Variants in ERBB4 observed in about 807,000 individuals in gnomAD.
ERBB4 encodes erb-b2 receptor tyrosine kinase 4.
A neutral mutation model predicts 158.0 loss-of-function variants in ERBB4; 42 were observed. The observed-to-expected ratio is 0.27, with a 90% CI of 0.21 to 0.34. The LOEUF is 0.34. ERBB4 is among the 10% of genes least tolerant of loss of function. The pLI, the probability that ERBB4 is intolerant of heterozygous loss-of-function variation, is 1.00. For missense variants in ERBB4, 1,333 were observed against 1,624.1 expected (o/e 0.82, Z 3.08); for synonymous variants, 583 against 558.7 (o/e 1.04, Z -0.61).
At chr2:211,550,789 A>C (rs1191312372) in intron 20 of ERBB4, among the ~76,000 whole-genome samples, 2 of 149,766 alleles carry the variant, frequency 1.3e-5, no homozygotes, top group Non-Finnish European at 3.0e-5. Flanking sequence ...AATACACTTA[A>C]TATGATTTCT....
chr2:211,676,575 C>T (rs1046065265), intron 13 of ERBB4, among the ~76,000 whole-genome samples: 1 of 148,636 alleles, frequency 6.7e-6, no homozygotes, highest in Non-Finnish European at 1.5e-5. Flanking sequence ...AAAAAACAAA[C>T]AAACAAAAAA....
At chr2:211,827,353 G>A (rs1352594564) in intron 3 of ERBB4, among the ~76,000 whole-genome samples, 1 of 151,864 alleles carries the variant, frequency 6.6e-6, no homozygotes, top group Non-Finnish European at 1.5e-5. Context: ...ACAATAAGAA[G>A]GTTTTTGTTT....
chr2:212,395,028 A>T (rs145414853), intron 1 of ERBB4, among the ~76,000 whole-genome samples: 1 of 152,248 alleles, frequency 6.6e-6, no homozygotes, highest in Non-Finnish European at 1.5e-5. Context: ...AAACTTTCAC[A>T]GGTTTGCTGC....
intron 3 of ERBB4, among the ~76,000 whole-genome samples, chr2:211,866,514 A>G (rs1276488429): frequency 6.6e-6 from 1 of 152,172 alleles, no homozygotes. Context: ...AATTGTCAGC[A>G]AGGAGAAATC....
chr2:212,119,145 A>C (rs1434859225), intron 2 of ERBB4, among the ~76,000 whole-genome samples: 1 of 152,114 alleles, frequency 6.6e-6, no homozygotes, highest in East Asian at 1.9e-4. Flanking sequence ...ATCTCCTTAT[A>C]ATCTTAATGT....
At chr2:211,722,654 A>G in intron 6 of ERBB4, 120 bp from the exon 7 acceptor site, 2 of 1,093,972 alleles carry the variant, frequency 1.8e-6, no homozygotes, top group Non-Finnish European at 2.7e-6. Flanking sequence ...ACAAAATTTG[A>G]TAATTTAAGA....
chr2:211,863,242 A>G (rs1011098158), intron 3 of ERBB4, among the ~76,000 whole-genome samples: 6 of 152,210 alleles, frequency 3.9e-5, no homozygotes, highest in Admixed American at 6.5e-5. Context: ...AAATGCACCA[A>G]TCAGCAATCT....
At chr2:212,106,606 T>C (rs1196954191) in intron 2 of ERBB4, among the ~76,000 whole-genome samples, 1 of 152,228 alleles carries the variant, frequency 6.6e-6, no homozygotes, top group Non-Finnish European at 1.5e-5. Flanking sequence ...TCTGCATAAG[T>C]AGCTAGAAGC....
At position 211,705,387 on chromosome 2, in the gene ERBB4, G is replaced by T. The variant is rs530702994; in HGVS notation, c.1129C>A (p.Pro377Thr). ...IFLVTGIHGDPYNAIEAIDPE... is the reference protein window; with the variant it reads ...IFLVTGIHGDTYNAIEAIDPE... ...TCTATGGCTTCAATTGCATTGTAAG[G>T]GTCCCTAGAAAATCAAGAAGAGATG... Residue 377 changes from proline to threonine, a missense_variant, in exon 10 of 28, where the codon CCT becomes ACT. Around this residue, in one of 5 missense-constraint regions of ERBB4, gnomAD observed 438 missense variants for 586.9 expected, o/e 0.75. Transcript: ENST00000342788. 6.2e-7 allele frequency: 1 copy of T among 1,607,628 alleles called. No homozygotes were observed. The highest frequency in any genetic ancestry group is 8.5e-7 in the Non-Finnish European group (1 of 1,174,428).
intron 1 of ERBB4, among the ~76,000 whole-genome samples, chr2:212,269,538 A>G (rs1328006306): frequency 6.6e-6 from 1 of 151,796 alleles, no homozygotes; most frequent in Non-Finnish European, 1.5e-5. Context: ...GCCCTTAGAT[A>G]TTATTTGTGC....
chr2:211,698,839 C>T (rs1426435220), intron 12 of ERBB4, among the ~76,000 whole-genome samples: 1 of 152,104 alleles, frequency 6.6e-6, no homozygotes, highest in African/African-American at 2.4e-5. Flanking sequence ...AAACTTCTTC[C>T]ACCTAACACT....
At chr2:212,215,973 G>A (rs2083085884) in intron 1 of ERBB4, among the ~76,000 whole-genome samples, 1 of 151,240 alleles carries the variant, frequency 6.6e-6, no homozygotes, top group Non-Finnish European at 1.5e-5. Flanking sequence ...CTTCACACTT[G>A]GATGAACTTA....
intron 1 of ERBB4, among the ~76,000 whole-genome samples, chr2:212,501,112 A>G (rs561613886): frequency 3.9e-5 from 6 of 152,324 alleles, no homozygotes; most frequent in East Asian, 1.9e-4. Flanking sequence ...TACACAGCAA[A>G]TAACACCAGT....
At position 211,457,531 on chromosome 2, in the gene ERBB4, G is replaced by A. The variant is rs1056814931; in HGVS notation, c.2488-26431C>T. ...AGAGAGGTAGCAATATGTAAACATCGAACACTCAAGGTTAGAGCTGAGCCT... is the reference window on the plus strand; with the variant it reads ...AGAGAGGTAGCAATATGTAAACATCAAACACTCAAGGTTAGAGCTGAGCCT... On this transcript the variant is annotated intron_variant, in intron 20 of 27. Coordinates refer to ENST00000342788, the MANE Select transcript of ERBB4 (RefSeq NM_005235.3). 7.2e-5 allele frequency among the ~76,000 whole-genome samples: 11 copies of A among 152,128 alleles called. 1 individual carries two copies. Among genetic ancestry groups the A allele is most frequent in the Non-Finnish European group, 1.3e-4 (9 of 68,036 alleles).
intron 25 of ERBB4, among the ~76,000 whole-genome samples, chr2:211,414,500 TAAAA>T (rs71047174): frequency 2.0e-5 from 2 of 102,128 alleles, no homozygotes; most frequent in African/African-American, 7.2e-5. Flanking sequence ...CAGTCTCAAT[TAAAA>T]AAAAAAAAAA....
intron 20 of ERBB4, among the ~76,000 whole-genome samples, chr2:211,546,078 C>T (rs575505159): frequency 6.6e-6 from 1 of 152,118 alleles, no homozygotes; most frequent in Admixed American, 6.6e-5. Context: ...TGCCAAAAAG[C>T]TCTTTTTAAT....
At chr2:211,538,057 G>C (rs987694515) in intron 20 of ERBB4, among the ~76,000 whole-genome samples, 10 of 145,992 alleles carry the variant, frequency 6.8e-5, no homozygotes, top group Non-Finnish European at 1.5e-4. Flanking sequence ...AATAATAGGT[G>C]TCCATACAGG....
At chr2:211,824,264 G>T (rs1028764550) in intron 3 of ERBB4, among the ~76,000 whole-genome samples, 1 of 151,946 alleles carries the variant, frequency 6.6e-6, no homozygotes, top group Non-Finnish European at 1.5e-5. Flanking sequence ...TGTAAATTAA[G>T]TCCCCTTAAA....
At chr2:212,345,473 C>T (rs527936735) in intron 1 of ERBB4, among the ~76,000 whole-genome samples, 1 of 152,072 alleles carries the variant, frequency 6.6e-6, no homozygotes, top group South Asian at 2.1e-4. Context: ...AGCTCAGATA[C>T]ATAGCTCTCT....
Sources: allele counts gnomAD v4.1 joint callset (sites outside exome capture counted in the v4.1 genomes callset), GRCh38; gene constraint gnomAD v4.1.1; regional missense constraint gnomAD v4.1.1; transcripts MANE v1.5; gene names NCBI Gene and HGNC (gene_info 2026-07-23, HGNC 2026-07-21).